Variants in CLSTN2 observed in about 807,000 individuals in gnomAD.
CLSTN2 encodes calsyntenin 2, also known as calsyntenin-2.
A neutral mutation model predicts 101.2 loss-of-function variants in CLSTN2; 48 were observed. The observed-to-expected ratio is 0.47, with a 90% CI of 0.38 to 0.60. The LOEUF is 0.60. Among genes scored for constraint, CLSTN2 ranks in the 20% least tolerant of loss-of-function variants. The pLI is 0.00. For missense variants in CLSTN2, 1,160 were observed against 1,238.2 expected (o/e 0.94, Z 0.95); for synonymous variants, 481 against 463.6 (o/e 1.04, Z -0.48).
intron 2 of CLSTN2, among the ~76,000 whole-genome samples, chr3:140,195,458 A>G (rs1462574283): frequency 1.3e-5 from 2 of 152,198 alleles, no homozygotes; most frequent in East Asian, 3.9e-4. Flanking sequence ...TGTTTTATAT[A>G]TTATGTCCAG....
chr3:140,451,425 GA>G (rs1159021563), intron 6 of CLSTN2, among the ~76,000 whole-genome samples: 3 of 152,190 alleles, frequency 2.0e-5, no homozygotes, highest in Non-Finnish European at 4.4e-5. Context: ...GACTTATTTG[GA>G]GTTGGGAGCT....
At chr3:140,498,616 C>G (rs1360405224) in intron 8 of CLSTN2, among the ~76,000 whole-genome samples, 1 of 152,188 alleles carries the variant, frequency 6.6e-6, no homozygotes, top group African/African-American at 2.4e-5. Context: ...TTTGGTGGGT[C>G]AAGGTACAAA....
At chr3:140,365,131 C>T (rs749690374) in intron 2 of CLSTN2, among the ~76,000 whole-genome samples, 19 of 152,248 alleles carry the variant, frequency 1.2e-4, no homozygotes, top group East Asian at 3.9e-4. Context: ...GCATCCCAAA[C>T]GGAGAACCAA....
chr3:140,256,885 C>T (rs748141117), intron 2 of CLSTN2, among the ~76,000 whole-genome samples: 1 of 152,156 alleles, frequency 6.6e-6, no homozygotes, highest in Non-Finnish European at 1.5e-5. Context: ...AAGTAGCAGT[C>T]TTTCCAAGCC....
rs374970030 is a variant in CLSTN2, at chr3:140,459,622, G to A, written c.1075G>A (p.Asp359Asn). Residue 359 changes from aspartate to asparagine, a missense_variant, in exon 7 of 17, where the codon GAC becomes AAC. Coordinates refer to ENST00000458420, the MANE Select transcript of CLSTN2 (RefSeq NM_022131.3). The stretch of plus-strand genomic sequence containing the variant: ...CAGCAGTGAGATGATCTTCAAGTTT[G>A]ACGGCAGGCAGGGTGCCAAAGTCCC... ...VDSSEMIFKF[D>N]GRQGAKVPDG... 1.2e-6 allele frequency: 2 copies of A among 1,614,068 alleles called. No individual in the cohort carries two copies. The highest frequency in any genetic ancestry group is 1.1e-5 in the South Asian group (1 of 91,084).
intron 1 of CLSTN2, among the ~76,000 whole-genome samples, chr3:139,946,330 T>G (rs1935213896): frequency 6.6e-6 from 1 of 152,072 alleles, no homozygotes; most frequent in Admixed American, 6.6e-5. Context: ...TGTAAGGAAA[T>G]TTCTGTTTTA....
intron 1 of CLSTN2, among the ~76,000 whole-genome samples, chr3:139,954,404 G>C (rs950393063): frequency 3.9e-5 from 6 of 152,188 alleles, no homozygotes; most frequent in African/African-American, 1.4e-4. Flanking sequence ...AGAGTAAGCT[G>C]TGCTGTGTTC....
chr3:139,993,377 G>GA (rs1294418735), intron 1 of CLSTN2, among the ~76,000 whole-genome samples: 26 of 152,192 alleles, frequency 1.7e-4, no homozygotes, highest in African/African-American at 5.8e-4. Context: ...TTGTACTGTC[G>GA]ACCCCTGTCC....
intron 1 of CLSTN2, among the ~76,000 whole-genome samples, chr3:140,082,958 G>A (rs79804550): frequency 0.082 from 12,478 of 152,210 alleles, 566 homozygotes; most frequent in East Asian, 0.16. Flanking sequence ...GCCATGGACA[G>A]CACCATCATT....
At position 139,974,106 on chromosome 3, in the gene CLSTN2, A is replaced by G. The variant is rs113791127; in HGVS notation, c.109+38623A>G. 6.5e-3 allele frequency among the ~76,000 whole-genome samples: 990 copies of G among 152,268 alleles called. 7 individuals are homozygous for G. The highest frequency in any genetic ancestry group is 0.023 in the African/African-American group (958 of 41,548). On this transcript the variant is annotated intron_variant, in intron 1 of 16. Transcript: ENST00000458420. ...AATTATTTAGAACAACTCAATCTTT[A>G]TTGTTCTTTTTCCAAGTTGTGAATT...
chr3:140,053,992 A>G (rs974280299), intron 1 of CLSTN2, among the ~76,000 whole-genome samples: 10 of 152,190 alleles, frequency 6.6e-5, no homozygotes, highest in African/African-American at 2.4e-4. Context: ...CAAGAGGGTC[A>G]TCACAGCTGG....
intron 1 of CLSTN2, among the ~76,000 whole-genome samples, chr3:139,945,142 T>C (rs951371504): frequency 6.6e-6 from 1 of 152,242 alleles, no homozygotes; most frequent in Admixed American, 6.5e-5. Context: ...CTGTATTATA[T>C]AGTTAGGTAA....
chr3:140,150,023 T>C (rs1463048752), intron 1 of CLSTN2, among the ~76,000 whole-genome samples: 1 of 151,974 alleles, frequency 6.6e-6, no homozygotes, highest in African/African-American at 2.4e-5. Flanking sequence ...CTGGAAAAAA[T>C]GAATGTGGCC....
intron 2 of CLSTN2, among the ~76,000 whole-genome samples, chr3:140,374,233 C>T (rs2087890338): frequency 6.6e-6 from 1 of 152,202 alleles, no homozygotes; most frequent in South Asian, 2.1e-4. Context: ...AATTCTATGA[C>T]AGAAGCCAGG....
chr3:140,042,316 G>T (rs1037407452), intron 1 of CLSTN2, among the ~76,000 whole-genome samples: 5 of 152,066 alleles, frequency 3.3e-5, no homozygotes, highest in African/African-American at 1.2e-4. Flanking sequence ...GCGCATAAAT[G>T]GAATTAGAAA....
At chr3:140,516,508 A>T (rs546550739) in intron 8 of CLSTN2, among the ~76,000 whole-genome samples, 41 of 150,294 alleles carry the variant, frequency 2.7e-4, no homozygotes, top group Non-Finnish European at 4.7e-4. Context: ...TGCTTTTAGC[A>T]GTTCATATAG....
intron 1 of CLSTN2, among the ~76,000 whole-genome samples, chr3:140,166,018 G>C (rs1341864210): frequency 6.6e-6 from 1 of 152,030 alleles, no homozygotes; most frequent in Non-Finnish European, 1.5e-5. Flanking sequence ...AGCCATCTGG[G>C]GTCCATTTCT....
At chr3:140,389,208 T>C (rs922518646) in intron 2 of CLSTN2, among the ~76,000 whole-genome samples, 2 of 152,240 alleles carry the variant, frequency 1.3e-5, no homozygotes, top group Non-Finnish European at 2.9e-5. Flanking sequence ...ACATGTGCCA[T>C]GGTGGTTTGC....
At chr3:140,114,825 G>A (rs1025659152) in intron 1 of CLSTN2, among the ~76,000 whole-genome samples, 4 of 152,164 alleles carry the variant, frequency 2.6e-5, no homozygotes, top group African/African-American at 7.2e-5. Flanking sequence ...CAGCTGCACA[G>A]CGACCTTCAC....
Sources: gnomAD v4.1 joint callset for allele counts (sites outside exome capture counted in the v4.1 genomes callset) on GRCh38, gnomAD v4.1.1 for gene constraint, MANE v1.5 for transcripts, NCBI Gene and HGNC (gene_info 2026-07-23, HGNC 2026-07-21) for gene names.